The following STK3 variants were observed in gnomAD, a reference collection of about 807,000 sequenced individuals.
STK3 encodes the protein serine/threonine kinase 3.
In STK3, 41 loss-of-function variants were observed where a neutral mutation model predicts 58.0. The ratio of observed to expected loss-of-function variants is 0.71; its 90% confidence interval spans 0.55 to 0.92. The LOEUF (loss-of-function observed/expected upper bound fraction) is 0.92, where lower values mean the gene tolerates loss of function less well. Among genes scored for constraint, STK3 ranks in the 40% least tolerant of loss-of-function variants. STK3 has a pLI of 0.00. For missense variants in STK3, 479 were observed against 602.7 expected, an observed-to-expected ratio of 0.79 and a Z score of 2.15; for synonymous variants, 170 against 191.0, an observed-to-expected ratio of 0.89 and a Z score of 0.91.
chr8:98,597,775 A>G, intron 6 of STK3: 1 of 985,350 alleles, frequency 1.0e-6, no homozygotes. Flanking sequence ...CAGTTTTTAA[A>G]ATAGGATACA....
chr8:98,464,378 T>TCC (rs1770586166), intron 10 of STK3, among the ~76,000 whole-genome samples: 1 of 151,760 alleles, frequency 6.6e-6, no homozygotes, highest in African/African-American at 2.4e-5. Context: ...ACACTGTTGA[T>TCC]GGAGGCTGCC....
rs143330584 is a variant in STK3, at chr8:98,559,838, T to C, written c.949-11677A>G. Among the ~76,000 whole-genome samples, 406 of 152,214 alleles carry C rather than the reference T, an allele frequency of 2.7e-3. 2 individuals are homozygous for C. Among genetic ancestry groups the C allele is most frequent in the African/African-American group, 9.3e-3 (387 of 41,546 alleles). On this transcript the variant is annotated intron_variant, in intron 8 of 10. Transcript: ENST00000419617. ...AAGTTTAGTTGTAAATAATTTGTTG[T>C]TTTTTCCCTTATTTTTTAAATGGTC...
chr8:98,574,803 A>G (rs1385557170), intron 8 of STK3, among the ~76,000 whole-genome samples: 1 of 152,156 alleles, frequency 6.6e-6, no homozygotes, highest in Non-Finnish European at 1.5e-5. Flanking sequence ...CAGAGCAAAA[A>G]ACTCAGAGAA....
chr8:98,672,797 C>T (rs1822924861), intron 6 of STK3, among the ~76,000 whole-genome samples: 1 of 152,134 alleles, frequency 6.6e-6, no homozygotes, highest in African/African-American at 2.4e-5. Flanking sequence ...GACCAGAATT[C>T]TGGAAAACTG....
intron 8 of STK3, 130 bp downstream of exon 8, chr8:98,579,534 T>C: frequency 8.6e-7 from 1 of 1,159,634 alleles, no homozygotes; most frequent in Non-Finnish European, 1.2e-6. Context: ...ACCAAATATA[T>C]TTTGAGATTC....
chr8:98,436,072 C>T (rs2131084537), intron 2 of STK3, among the ~76,000 whole-genome samples: 1 of 152,272 alleles, frequency 6.6e-6, no homozygotes, highest in Non-Finnish European at 1.5e-5. Flanking sequence ...TAGCCAAATT[C>T]AGTGGCCTGT....
intron 1 of STK3, among the ~76,000 whole-genome samples, chr8:98,798,937 C>A (rs1161132883): frequency 2.6e-5 from 4 of 152,200 alleles, no homozygotes; most frequent in Admixed American, 2.6e-4. Flanking sequence ...TTCCTCACCA[C>A]CAGAGGATAT....
In STK3 at chr8:98,462,325, A is replaced by G. The variant is rs117406328; in HGVS notation, c.1318-6325T>C. Among the ~76,000 whole-genome samples the G allele has an allele frequency of 4.0e-3, 605 of 152,286 alleles. 1 individual carries two copies. The highest frequency in any genetic ancestry group is 0.015 in the South Asian group (74 of 4,818). ...TGAATGGATAAAGAAAATATGGTAC[A>G]TATACACAATGGAGTACATTCGTGT... is the stretch of plus-strand genomic sequence containing the variant. On this transcript the variant is annotated intron_variant, in intron 10 of 10. Transcript: ENST00000419617.
intron 3 of STK3, among the ~76,000 whole-genome samples, chr8:98,864,197 C>CAAAA (rs35196007): frequency 8.0e-5 from 3 of 37,438 alleles, no homozygotes; most frequent in African/African-American, 1.3e-4. Context: ...GACTCCTTCT[C>CAAAA]AAAAAAAAAA....
chr8:98,688,094 A>G (rs1824138326), intron 6 of STK3, among the ~76,000 whole-genome samples: 3 of 152,344 alleles, frequency 2.0e-5, no homozygotes, highest in Middle Eastern at 6.8e-3. Flanking sequence ...AGATCAGTTA[A>G]ACAGAAAACA....
At chr8:98,623,028 G>C (rs938827580) in intron 6 of STK3, among the ~76,000 whole-genome samples, 3 of 152,068 alleles carry the variant, frequency 2.0e-5, no homozygotes, top group African/African-American at 7.2e-5. Flanking sequence ...ATAAACGCTA[G>C]AGTGAACAAA....
chr8:98,405,977 C>T (rs1817988976), intron 3 of STK3, among the ~76,000 whole-genome samples: 1 of 152,158 alleles, frequency 6.6e-6, no homozygotes, highest in African/African-American at 2.4e-5. Flanking sequence ...GATGGGGATG[C>T]AGACAAACCA....
intron 2 of STK3, among the ~76,000 whole-genome samples, chr8:98,767,704 A>T (rs899154795): frequency 3.3e-5 from 5 of 152,236 alleles, no homozygotes; most frequent in Non-Finnish European, 5.9e-5. Flanking sequence ...TGTAGATTAA[A>T]AATAGCCAAA....
intron 8 of STK3, among the ~76,000 whole-genome samples, chr8:98,575,663 G>C (rs1181143471): frequency 4.0e-5 from 6 of 151,126 alleles, no homozygotes; most frequent in Non-Finnish European, 7.4e-5. Flanking sequence ...AAACAGATGG[G>C]GTCTCATTAT....
chr8:98,702,295 A>G (rs955231694), intron 6 of STK3, among the ~76,000 whole-genome samples: 3 of 152,242 alleles, frequency 2.0e-5, no homozygotes, highest in Admixed American at 6.5e-5. Flanking sequence ...TAAAGCATAT[A>G]AAACAAATGA....
the STK3 span, among the ~76,000 whole-genome samples, chr8:98,347,981 A>G: frequency 1.3e-5 from 2 of 152,260 alleles, no homozygotes; most frequent in African/African-American, 4.8e-5. Context: ...ACAAGAAAAA[A>G]GTAAACCTGA....
chr8:98,568,490 T>G (rs1051288172), intron 8 of STK3, among the ~76,000 whole-genome samples: 20 of 152,122 alleles, frequency 1.3e-4, no homozygotes, highest in African/African-American at 4.3e-4. Flanking sequence ...ACAGCAAAAT[T>G]TGCTGGTCAA....
intron 3 of STK3, among the ~76,000 whole-genome samples, chr8:98,420,371 T>C (rs1191861055): frequency 6.6e-6 from 1 of 152,202 alleles, no homozygotes; most frequent in African/African-American, 2.4e-5. Context: ...AGTGGTGACA[T>C]TGACATATTG....
At chr8:98,410,738 A>G (rs752066966) in intron 3 of STK3, among the ~76,000 whole-genome samples, 1 of 152,204 alleles carries the variant, frequency 6.6e-6, no homozygotes, top group Non-Finnish European at 1.5e-5. Flanking sequence ...CTTCACCTCC[A>G]GAAAGTATTC....
Sources: allele counts gnomAD v4.1 joint callset (sites outside exome capture counted in the v4.1 genomes callset), GRCh38; gene constraint gnomAD v4.1.1; transcripts MANE v1.5; gene names NCBI Gene and HGNC (gene_info 2026-07-23, HGNC 2026-07-21).